The following GPC5 variants were observed in gnomAD, a reference collection of about 807,000 sequenced individuals.
GPC5 encodes glypican-5.
Under a neutral mutation model 53.9 loss-of-function variants are expected in GPC5, and 47 were observed. The ratio of observed to expected loss-of-function variants is 0.87; its 90% confidence interval spans 0.69 to 1.11. The LOEUF is 1.11. Among genes scored for constraint, GPC5 ranks in the 50% most tolerant of loss-of-function variants. The probability of loss-of-function intolerance (pLI) is 0.00; values close to 1 mark genes in which losing one functional copy is unlikely to be tolerated. For synonymous variants in GPC5, 286 were observed against 263.3 expected, an observed-to-expected ratio of 1.09 and a Z score of -0.84; for missense variants, 748 against 713.1, an observed-to-expected ratio of 1.05 and a Z score of -0.56.
At chr13:91,693,075 A>G (rs1260971013) in intron 2 of GPC5, 112 bp from the exon 3 acceptor site, 2 of 784,596 alleles carry the variant, frequency 2.5e-6, no homozygotes, top group African/African-American at 1.8e-5. Flanking sequence ...GCTGAGAGTT[A>G]CAATTTAGAT....
intron 7 of GPC5, among the ~76,000 whole-genome samples, chr13:92,589,172 C>T (rs1380166583): frequency 6.6e-6 from 1 of 152,152 alleles, no homozygotes; most frequent in Non-Finnish European, 1.5e-5. Flanking sequence ...ATGTTCTGTT[C>T]CCATGAAGCT....
chr13:92,262,985 C>T (rs375695710), intron 7 of GPC5, among the ~76,000 whole-genome samples: 25 of 152,066 alleles, frequency 1.6e-4, no homozygotes, highest in Middle Eastern at 3.4e-3. Context: ...GCTATTAGCA[C>T]GGACCGAATA....
intron 7 of GPC5, among the ~76,000 whole-genome samples, chr13:92,222,876 T>C (rs919673116): frequency 6.6e-6 from 1 of 152,182 alleles, no homozygotes. Flanking sequence ...ATTCAACAAA[T>C]AAATTATAAT....
intron 6 of GPC5, among the ~76,000 whole-genome samples, chr13:92,067,693 A>C (rs1035086923): frequency 3.9e-5 from 6 of 152,024 alleles, no homozygotes; most frequent in Non-Finnish European, 7.4e-5. Flanking sequence ...AAATGAAAGC[A>C]ATTTTAAAAT....
intron 5 of GPC5, among the ~76,000 whole-genome samples, chr13:91,877,941 G>A (rs1040115731): frequency 1.3e-5 from 2 of 152,140 alleles, no homozygotes; most frequent in African/African-American, 4.8e-5. Flanking sequence ...TTAGTCTCAT[G>A]AGATTTGATG....
At position 92,203,675 on chromosome 13, in the gene GPC5, AC is replaced by A. The variant is rs1446218763; in HGVS notation, c.1561+58688del. 8.8e-4 allele frequency among the ~76,000 whole-genome samples: 132 copies of A among 149,876 alleles called. No homozygotes were observed. The South Asian group carries it at 8.8e-3, about 10-fold the overall frequency. Reference sequence around the variant, plus strand: ...ATATATAAAAAAATAAATAAATAAAACCAAAATAATCTCTAGCAATTGATTA... The same window carrying A: ...ATATATAAAAAAATAAATAAATAAAACAAAATAATCTCTAGCAATTGATTA... On this transcript the variant is annotated intron_variant, in intron 7 of 7. Transcript: ENST00000377067.
Position 92,729,045 on chromosome 13 carries a change from C to A in GPC5, c.1562-137237C>A, listed in dbSNP as rs74623489. On this transcript the variant is annotated intron_variant, in intron 7 of 7. Transcript: ENST00000377067. ...TTTGCTTGCTTCATCTCCCTCTGCC[C>A]ATTCTGCACAATTTATCTGTACAAG... Among the ~76,000 whole-genome samples the A allele has an allele frequency of 6.2e-3, 941 of 151,328 alleles. 12 individuals are homozygous for A. The highest frequency in any genetic ancestry group is 0.022 in the African/African-American group (895 of 41,408).
chr13:91,975,762 C>G (rs1040631234), intron 6 of GPC5, among the ~76,000 whole-genome samples: 1 of 152,142 alleles, frequency 6.6e-6, no homozygotes, highest in Admixed American at 6.5e-5. Context: ...CCAGCCATCC[C>G]ATTACTGGGT....
At chr13:91,914,267 GA>G (rs1301766439) in intron 6 of GPC5, among the ~76,000 whole-genome samples, 1 of 152,072 alleles carries the variant, frequency 6.6e-6, no homozygotes, top group African/African-American at 2.4e-5. Flanking sequence ...ATATGAAACA[GA>G]AAAAGTAATA....
At chr13:92,712,934 A>G (rs951829476) in intron 7 of GPC5, among the ~76,000 whole-genome samples, 1 of 152,094 alleles carries the variant, frequency 6.6e-6, no homozygotes, top group Non-Finnish European at 1.5e-5. Context: ...AGGCCCTCAA[A>G]GGAAACCAAC....
chr13:92,152,573 T>TA (rs1445349332), intron 7 of GPC5, among the ~76,000 whole-genome samples: 1 of 151,930 alleles, frequency 6.6e-6, no homozygotes, highest in Non-Finnish European at 1.5e-5. Flanking sequence ...CTGGCTCTAC[T>TA]AAAAAAATAC....
Position 92,143,394 on chromosome 13 carries a change from T to A in GPC5, c.1402-1436T>A, listed in dbSNP as rs540059398. Among the ~76,000 whole-genome samples, 5 of 152,262 alleles carry A rather than the reference T, an allele frequency of 3.3e-5. No individual in the cohort carries two copies. In the South Asian group the frequency reaches 1.0e-3, roughly 32 times the overall value. On this transcript the variant is annotated intron_variant, in intron 6 of 7. Transcript: ENST00000377067. Reference sequence around the variant, plus strand: ...TTTCCTTTTTAGATTTGACTTTTTATGTGTTTATTTCCTATCTGTGTTTCT... The same window carrying A: ...TTTCCTTTTTAGATTTGACTTTTTAAGTGTTTATTTCCTATCTGTGTTTCT...
At chr13:92,695,015 C>CTT (rs1319320113) in intron 7 of GPC5, among the ~76,000 whole-genome samples, 1 of 152,172 alleles carries the variant, frequency 6.6e-6, no homozygotes, top group Admixed American at 6.5e-5. Flanking sequence ...CACTCTCTCT[C>CTT]TCCTGCTTCT....
chr13:92,828,461 G>A (rs924159826), intron 7 of GPC5, among the ~76,000 whole-genome samples: 4 of 152,046 alleles, frequency 2.6e-5, no homozygotes, highest in Non-Finnish European at 5.9e-5. Context: ...ATGTTGACAC[G>A]TTTACCCAAT....
At chr13:92,788,680 C>T (rs1283802272) in intron 7 of GPC5, among the ~76,000 whole-genome samples, 6 of 152,098 alleles carry the variant, frequency 3.9e-5, no homozygotes, top group East Asian at 1.9e-4. Flanking sequence ...ATGCTGGGTC[C>T]GTTTGGCTAA....
At chr13:92,342,956 T>C (rs1566547337) in intron 7 of GPC5, among the ~76,000 whole-genome samples, 1 of 152,158 alleles carries the variant, frequency 6.6e-6, no homozygotes, top group Admixed American at 6.6e-5. Flanking sequence ...TATTAGGACA[T>C]TATTCAGTAA....
At chr13:92,464,357 A>G (rs1293351089) in intron 7 of GPC5, among the ~76,000 whole-genome samples, 1 of 152,146 alleles carries the variant, frequency 6.6e-6, no homozygotes, top group Admixed American at 6.6e-5. Flanking sequence ...CCATATTTTT[A>G]CACCAAAAAT....
intron 7 of GPC5, among the ~76,000 whole-genome samples, chr13:92,479,400 A>G (rs1879267594): frequency 6.6e-6 from 1 of 152,224 alleles, no homozygotes; most frequent in Non-Finnish European, 1.5e-5. Context: ...ACAAGAACAG[A>G]AGAGTTACCT....
chr13:92,017,113 G>A (rs1204107423), intron 6 of GPC5, among the ~76,000 whole-genome samples: 1 of 152,114 alleles, frequency 6.6e-6, no homozygotes, highest in Non-Finnish European at 1.5e-5. Flanking sequence ...GTTGGTGGTT[G>A]TGGTGTAGGG....
Sources: allele counts gnomAD v4.1 joint callset (sites outside exome capture counted in the v4.1 genomes callset), GRCh38; gene constraint gnomAD v4.1.1; transcripts MANE v1.5; gene names NCBI Gene and HGNC (gene_info 2026-07-23, HGNC 2026-07-21).